AGMAT: variants seen among roughly 807,000 people sequenced by gnomAD.
AGMAT encodes guanidino acid hydrolase, mitochondrial.
Under a neutral mutation model 29.3 loss-of-function variants are expected in AGMAT, and 37 were observed. The ratio of observed to expected loss-of-function variants is 1.26; its 90% CI spans 0.97 to 1.66. AGMAT has a LOEUF of 1.66. AGMAT is among the 40% of genes most tolerant of loss of function. The probability of loss-of-function intolerance (pLI) is 0.00; values close to 1 mark genes in which losing one functional copy is unlikely to be tolerated. For missense variants in AGMAT, 498 were observed against 497.8 expected (o/e 1.00, Z 0.00); for synonymous variants, 199 against 200.8 (o/e 0.99, Z 0.08).
rs759732154 is a variant in AGMAT, at chr1:15,584,851, C to T, written c.117G>A (p.Ala39=). The part of the protein sequence containing the change: ...GRRQSRQASD[A]PRNQPPSPEF... ...CGGGGCTGGGGGGCTGGTTCCGGGGCGCGTCGGAAGCCTGGCGGCTCTGGC... is the reference window on the plus strand; with the variant it reads ...CGGGGCTGGGGGGCTGGTTCCGGGGTGCGTCGGAAGCCTGGCGGCTCTGGC... The change falls in exon 1 of 7, where the codon GCG becomes GCA. Residue 39 remains alanine (A), a synonymous_variant. Transcript: ENST00000375826. 6.3e-6 allele frequency: 9 copies of T among 1,426,894 alleles called. No homozygotes were observed. Among genetic ancestry groups the T allele is most frequent in the Non-Finnish European group, 7.3e-6 (8 of 1,095,570 alleles). 88.4% of individuals were successfully genotyped at this position (1,426,894 alleles called of 1,614,324 possible).
intron 2 of AGMAT, among the ~76,000 whole-genome samples, chr1:15,581,061 AAAAAAT>A (rs768054909): frequency 3.9e-5 from 6 of 152,270 alleles, no homozygotes; most frequent in South Asian, 2.1e-4. Context: ...CCACGTCTCT[AAAAAAT>A]AAAAATAAAA....
intron 4 of AGMAT, among the ~76,000 whole-genome samples, chr1:15,578,130 T>C (rs550601265): frequency 6.6e-6 from 1 of 152,274 alleles, no homozygotes; most frequent in African/African-American, 2.4e-5. Flanking sequence ...CCTTTTGAAT[T>C]GCTCTGTCCA....
At chr1:15,574,612 A>G (rs563499068) in intron 6 of AGMAT, 145 bp downstream of exon 6, 21 of 632,416 alleles carry the variant, frequency 3.3e-5, no homozygotes, top group South Asian at 3.1e-4. Context: ...TCCTGACCTC[A>G]GGTGAGCTGC....
At chr1:15,573,904 A>G (rs1275774479) in intron 6 of AGMAT, among the ~76,000 whole-genome samples, 180 bp from the exon 7 acceptor site, 2 of 152,304 alleles carry the variant, frequency 1.3e-5, no homozygotes, top group African/African-American at 2.4e-5. Flanking sequence ...TCCATCAAGC[A>G]TCATTTGGGA....
chr1:15,574,472 G>T (rs1422332823), intron 6 of AGMAT, among the ~76,000 whole-genome samples: 2 of 151,478 alleles, frequency 1.3e-5, no homozygotes, highest in African/African-American at 4.9e-5. Context: ...CCGCCTCCTA[G>T]GTTCTAAGCG....
At chr1:15,581,341 C>T (rs13374406) in intron 2 of AGMAT, among the ~76,000 whole-genome samples, 1,765 of 151,934 alleles carry the variant, frequency 0.012, 11 homozygotes, top group Non-Finnish European at 0.018. Context: ...AGAGTGAGAC[C>T]GTGTCTCAAA....
intron 2 of AGMAT, among the ~76,000 whole-genome samples, chr1:15,581,872 A>T (rs1033690175): frequency 2.6e-5 from 4 of 152,072 alleles, no homozygotes; most frequent in Non-Finnish European, 4.4e-5. Context: ...AAAAGAATTT[A>T]AGTAGCCACA....
At position 15,577,789 on chromosome 1, in the gene AGMAT, T is replaced by C; in HGVS notation, c.796A>G (p.Met266Val). The C allele has an allele frequency of 6.2e-7, 1 of 1,614,188 alleles. No homozygotes were observed. The highest frequency in any genetic ancestry group is 8.5e-7 in the Non-Finnish European group (1 of 1,180,030). ...CTGATATAAATGGGTTTGCCTCCCA[T>C]CTGCTGCCTGACTTCCCCCATCAGA... ...VPLMGEVRQQ[M>V]GGKPIYISFD... is the part of the protein sequence containing the mutation. The change falls in exon 5 of 7, where the codon ATG becomes GTG. Residue 266 changes from methionine (M) to valine (V), a missense_variant. Coordinates refer to ENST00000375826, the MANE Select transcript of AGMAT (RefSeq NM_024758.5).
chr1:15,576,601 T>C (rs2103436742), intron 5 of AGMAT, among the ~76,000 whole-genome samples: 1 of 150,848 alleles, frequency 6.6e-6, no homozygotes, highest in Non-Finnish European at 1.5e-5. Flanking sequence ...GGCTGATTTT[T>C]GTACTTTTAG....
chr1:15,572,352 CTTT>C lies in AGMAT; in HGVS notation c.*1296_*1298del, dbSNP rs33990724. 2 of 43,724 alleles carry C rather than the reference CTTT, an allele frequency of 4.6e-5. No individual in the cohort carries two copies. Among genetic ancestry groups the C allele is most frequent in the East Asian group, 8.8e-4 (1 of 1,138 alleles). The allele number at this position is 43,724 out of a possible 1,614,324, so 2.7% of individuals were successfully genotyped here. On this transcript the variant is annotated 3_prime_UTR_variant, in exon 7 of 7. Coordinates refer to ENST00000375826, the MANE Select transcript of AGMAT (RefSeq NM_024758.5). ...GGCGTGAGCCACTGGGTCCGGCCTGCTTTTTTTTTTTTTTTTTTTTTTTTGGAG... is the reference window on the plus strand; with the variant it reads ...GGCGTGAGCCACTGGGTCCGGCCTGCTTTTTTTTTTTTTTTTTTTTTGGAG...
intron 2 of AGMAT, 59 bp from the exon 3 acceptor site, chr1:15,580,201 C>CTTTTT (rs34166013): frequency 4.1e-4 from 234 of 568,862 alleles, no homozygotes; most frequent in Middle Eastern, 1.5e-3. Context: ...ATAGAATAAT[C>CTTTTT]TTTTTTTTTT....
In AGMAT at chr1:15,579,098, G is replaced by A. The variant is rs755123412; in HGVS notation, c.525-44C>T. On this transcript the variant is annotated intron_variant, in intron 3 of 6. Transcript: ENST00000375826. The stretch of plus-strand genomic sequence containing the variant: ...CTCAGAGGCCAACCCTCCCTGTGGG[G>A]CCCTAGCACAGCCACCCTTCGGGCC... 31 of 1,581,328 alleles carry A rather than the reference G, an allele frequency of 2.0e-5. No individual in the cohort carries two copies. The South Asian group carries it at 3.3e-4, about 17-fold the overall frequency.
intron 2 of AGMAT, among the ~76,000 whole-genome samples, chr1:15,581,159 G>A (rs1355705262): frequency 1.3e-5 from 2 of 151,946 alleles, no homozygotes; most frequent in Non-Finnish European, 2.9e-5. Flanking sequence ...GTCCACCTGG[G>A]TAATACATTA....
chr1:15,584,819 A>G lies in AGMAT; in HGVS notation c.149T>C (p.Val50Ala). 1.4e-6 allele frequency: 2 copies of G among 1,414,938 alleles called. No individual in the cohort carries two copies. Among genetic ancestry groups the G allele is most frequent in the Non-Finnish European group, 1.8e-6 (2 of 1,087,690 alleles). 87.6% of individuals were successfully genotyped at this position (1,414,938 alleles called of 1,614,324 possible). A position where few individuals can be genotyped will look rare whatever the true frequency, so the allele number is the denominator to read the frequency against. Residue 50 changes from valine to alanine, a missense_variant, in exon 1 of 7, where the codon GTG (valine) becomes GCG (alanine). Coordinates refer to ENST00000375826, the MANE Select transcript of AGMAT (RefSeq NM_024758.5). The stretch of plus-strand genomic sequence containing the variant: ...GGAGCAGACGCCCACCGGCCGGGCC[A>G]CGAACTCGGGGCTGGGGGGCTGGTT... ...PRNQPPSPEF[V>A]ARPVGVCSMM...
intron 6 of AGMAT, 98 bp downstream of exon 6, chr1:15,574,659 T>C (rs1284356285): frequency 1.9e-5 from 21 of 1,087,856 alleles, no homozygotes; most frequent in Non-Finnish European, 2.8e-5. Flanking sequence ...ATTACAGGCT[T>C]GGGCCACCAT....
chr1:15,576,864 C>G (rs1390525828), intron 5 of AGMAT, among the ~76,000 whole-genome samples: 1 of 149,070 alleles, frequency 6.7e-6, no homozygotes, highest in African/African-American at 2.5e-5. Context: ...ATTCTCCTGC[C>G]TCAGCCTCCT....
intron 5 of AGMAT, among the ~76,000 whole-genome samples, chr1:15,577,363 A>T (rs1239261679): frequency 6.6e-6 from 1 of 152,048 alleles, no homozygotes; most frequent in African/African-American, 2.4e-5. Flanking sequence ...TCACGAGATC[A>T]GGAGTTCAAG....
intron 6 of AGMAT, 89 bp from the exon 7 acceptor site, chr1:15,573,813 G>T (rs1638994382): frequency 1.7e-6 from 2 of 1,178,198 alleles, no homozygotes; most frequent in Non-Finnish European, 2.5e-6. Context: ...TTCCCCTTGT[G>T]CCTCCTTTTC....
chr1:15,577,304 G>A (rs1326676402), intron 5 of AGMAT, among the ~76,000 whole-genome samples: 3 of 152,094 alleles, frequency 2.0e-5, no homozygotes, highest in African/African-American at 7.2e-5. Context: ...GCCAGGCGCG[G>A]TGGCTGACAC....
Sources: gnomAD v4.1 joint callset for allele counts (sites outside exome capture counted in the v4.1 genomes callset) on GRCh38, gnomAD v4.1.1 for gene constraint, MANE v1.5 for transcripts, NCBI Gene and HGNC (gene_info 2026-07-23, HGNC 2026-07-21) for gene names.